Variants in CLYBL observed in about 807,000 individuals in gnomAD.
The protein encoded by CLYBL is citramalyl-CoA lyase, also known as citramalyl-CoA lyase, mitochondrial.
In CLYBL, 31 loss-of-function variants were observed where a neutral mutation model predicts 38.9. The ratio of observed to expected loss-of-function variants is 0.80; its 90% CI spans 0.60 to 1.08. The LOEUF (loss-of-function observed/expected upper bound fraction) is 1.08, where lower values mean the gene tolerates loss of function less well. Among genes scored for constraint, CLYBL ranks in the 50% least tolerant of loss-of-function variants. The pLI is 0.00. For missense variants in CLYBL, 434 were observed against 411.6 expected, an observed-to-expected ratio of 1.05 and a Z score of -0.47; for synonymous variants, 171 against 158.6, an observed-to-expected ratio of 1.08 and a Z score of -0.59.
At chr13:99,640,572 T>C (rs939767741) in intron 1 of CLYBL, among the ~76,000 whole-genome samples, 1 of 152,248 alleles carries the variant, frequency 6.6e-6, no homozygotes, top group African/African-American at 2.4e-5. Context: ...CTTTTCAGCG[T>C]TGGTTAAGCT....
At chr13:99,855,098 G>C (rs536645343) in intron 2 of CLYBL, among the ~76,000 whole-genome samples, 18 of 152,292 alleles carry the variant, frequency 1.2e-4, no homozygotes, top group African/African-American at 3.9e-4. Context: ...TCTCTTCGAA[G>C]TTCTAATGTA....
chr13:99,676,609 T>G (rs1176735097), intron 1 of CLYBL, among the ~76,000 whole-genome samples: 15 of 149,172 alleles, frequency 1.0e-4, no homozygotes, highest in African/African-American at 3.7e-4. Flanking sequence ...CTTTTTTTTT[T>G]TGAGGTGGAG....
At chr13:99,670,962 C>G (rs1273133506) in intron 1 of CLYBL, among the ~76,000 whole-genome samples, 1 of 152,212 alleles carries the variant, frequency 6.6e-6, no homozygotes, top group African/African-American at 2.4e-5. Flanking sequence ...ACTGTGGCCA[C>G]CAAAGCCCTG....
rs73562273 is a variant in CLYBL at position 99,632,152 on chromosome 13, C to T, written c.62+25395C>T. Among the ~76,000 whole-genome samples, 812 of 152,206 alleles carry T rather than the reference C, an allele frequency of 5.3e-3. 4 individuals are homozygous for T. Among genetic ancestry groups the T allele is most frequent in the African/African-American group, 0.019 (784 of 41,524 alleles). ...AGCAGTCAGAAAATTAAGAGGGAAA[C>T]CCCAGAGAGGAGGGAGCTACAGAGG... On this transcript the variant is annotated intron_variant, in intron 1 of 8. Transcript: ENST00000339105.
intron 1 of CLYBL, among the ~76,000 whole-genome samples, chr13:99,700,680 C>G (rs2048051365): frequency 6.6e-6 from 1 of 152,166 alleles, no homozygotes; most frequent in South Asian, 2.1e-4. Context: ...AAGGACCTCA[C>G]TGGTCTTGGC....
In CLYBL at chr13:99,870,989, C is replaced by T; in HGVS notation, c.854C>T (p.Ser285Phe). 1.2e-6 allele frequency: 2 copies of T among 1,613,778 alleles called. No homozygotes were observed. Among genetic ancestry groups the T allele is most frequent in the Non-Finnish European group, 1.7e-6 (2 of 1,179,826 alleles). The change falls in exon 7 of 9, where the codon TCT becomes TTT. Residue 285 changes from serine (S) to phenylalanine (F), a missense_variant. Coordinates refer to ENST00000339105, the MANE Select transcript of CLYBL (RefSeq NM_206808.5). Reference protein sequence around the residue: ...NQIAVVQEQFSPSPEKIKWAE... With the variant: ...NQIAVVQEQFFPSPEKIKWAE... ...ATTGCCGTGGTCCAGGAGCAGTTTT[C>T]TCCTTCCCCTGAAAAAATTAAGTGG...
chr13:99,897,545 C>T (rs2052596435), downstream of CLYBL, among the ~76,000 whole-genome samples: 1 of 152,092 alleles, frequency 6.6e-6, no homozygotes, highest in Non-Finnish European at 1.5e-5. Flanking sequence ...GACAGCCTCT[C>T]AACTCACCTG....
chr13:99,749,159 G>A (rs1594157632), intron 1 of CLYBL, among the ~76,000 whole-genome samples: 1 of 149,652 alleles, frequency 6.7e-6, no homozygotes, highest in Non-Finnish European at 1.5e-5. Context: ...CAGCCTGGGC[G>A]ACAAAGCGAG....
intron 2 of CLYBL, among the ~76,000 whole-genome samples, chr13:99,850,482 C>A (rs765295394): frequency 6.6e-6 from 1 of 152,216 alleles, no homozygotes; most frequent in Admixed American, 6.5e-5. Context: ...ACTAGGATGG[C>A]TGTGACCAAA....
intron 1 of CLYBL, among the ~76,000 whole-genome samples, chr13:99,709,923 C>CTTTCT (rs765803700): frequency 8.1e-5 from 9 of 110,484 alleles, no homozygotes; most frequent in Admixed American, 3.1e-4. Context: ...TTCTTTCTTT[C>CTTTCT]TTTTTTTTTT....
intron 1 of CLYBL, among the ~76,000 whole-genome samples, chr13:99,607,254 A>G (rs2046541727): frequency 6.6e-6 from 1 of 152,252 alleles, no homozygotes; most frequent in African/African-American, 2.4e-5. Context: ...TCACTTAATA[A>G]CAAACCCATT....
chr13:99,802,300 A>G (rs1291746587), intron 2 of CLYBL, among the ~76,000 whole-genome samples: 3 of 152,164 alleles, frequency 2.0e-5, no homozygotes, highest in Non-Finnish European at 4.4e-5. Flanking sequence ...GCTTCCATGT[A>G]AGAATTTGGG....
At chr13:99,724,280 T>G (rs1172353271) in intron 1 of CLYBL, among the ~76,000 whole-genome samples, 1 of 152,220 alleles carries the variant, frequency 6.6e-6, no homozygotes, top group Non-Finnish European at 1.5e-5. Flanking sequence ...AAATACTACA[T>G]TTAGGCTCAG....
chr13:99,710,884 T>C lies in CLYBL; in HGVS notation c.63-61940T>C, dbSNP rs897638501. Among the ~76,000 whole-genome samples the C allele has an allele frequency of 1.9e-3, 222 of 119,546 alleles. 1 individual carries two copies. Among genetic ancestry groups the C allele is most frequent in the East Asian group, 0.016 (30 of 1,844 alleles). The allele number at this position is 119,546 out of a possible 152,430, so 78.4% of individuals were successfully genotyped here. ...GGCTTCTCTTAGTTTCTAACCCCTT[T>C]TTTTTTTTTTTTTTTTTTTTGAGAC... On this transcript the variant is annotated intron_variant, in intron 1 of 8. Coordinates refer to ENST00000339105, the MANE Select transcript of CLYBL (RefSeq NM_206808.5).
chr13:99,772,901 C>T lies in CLYBL; in HGVS notation c.140C>T (p.Ala47Val), dbSNP rs772832717. The T allele has an allele frequency of 6.2e-7, 1 of 1,613,540 alleles. No homozygotes were observed. The highest frequency in any genetic ancestry group is 8.5e-7 in the Non-Finnish European group (1 of 1,179,724). ...SSHHKYIPRRAVLYVPGNDEK... is the reference protein window; with the variant it reads ...SSHHKYIPRRVVLYVPGNDEK... ...CATCACAAGTACATCCCCCGGAGGG[C>T]AGTGCTTTATGTACCTGGAAATGAT... The change falls in exon 2 of 9, where the codon GCA becomes GTA. Residue 47 changes from alanine (A) to valine (V), a missense_variant. Ala to Val is a moderately conservative substitution (Grantham distance 64, BLOSUM62 0). Transcript: ENST00000339105.
chr13:99,653,045 G>A (rs2047278360), intron 1 of CLYBL, among the ~76,000 whole-genome samples: 2 of 152,194 alleles, frequency 1.3e-5, no homozygotes, highest in South Asian at 4.1e-4. Flanking sequence ...TGGCCCTGGG[G>A]GAGGTGGGGC....
intron 1 of CLYBL, among the ~76,000 whole-genome samples, chr13:99,649,656 G>A (rs1040352694): frequency 1.3e-5 from 2 of 152,008 alleles, no homozygotes; most frequent in Non-Finnish European, 2.9e-5. Context: ...GCTTGAGCCG[G>A]GAGCATGAGA....
intron 1 of CLYBL, among the ~76,000 whole-genome samples, chr13:99,670,030 T>A (rs1302471023): frequency 6.7e-6 from 1 of 148,372 alleles, no homozygotes; most frequent in South Asian, 2.1e-4. Flanking sequence ...CCGTCTCTAT[T>A]AAAAAAAAAA....
chr13:99,608,764 A>G (rs2046573565), intron 1 of CLYBL, among the ~76,000 whole-genome samples: 1 of 147,164 alleles, frequency 6.8e-6, no homozygotes, highest in South Asian at 2.2e-4. Flanking sequence ...TTTAAAGCGT[A>G]TTATCGCACT....
Sources: allele counts gnomAD v4.1 joint callset (sites outside exome capture counted in the v4.1 genomes callset), GRCh38; gene constraint gnomAD v4.1.1; transcripts MANE v1.5; gene names NCBI Gene and HGNC (gene_info 2026-07-23, HGNC 2026-07-21).